SRR: variants seen among roughly 807,000 people sequenced by gnomAD.
SRR encodes the protein D-serine ammonia-lyase.
A neutral mutation model predicts 32.7 loss-of-function variants in SRR; 19 were observed. The observed-to-expected ratio is 0.58, with a 90% CI of 0.40 to 0.85. The LOEUF is 0.85. SRR is among the 40% of genes least tolerant of loss of function. The pLI, the probability that SRR is intolerant of heterozygous loss-of-function variation, is 0.00. For synonymous variants in SRR, 142 were observed against 140.9 expected, an observed-to-expected ratio of 1.01 and a Z score of -0.06; for missense variants, 373 against 404.7, an observed-to-expected ratio of 0.92 and a Z score of 0.67.
chr17:2,319,835 T>C (rs890621564), intron 4 of SRR, among the ~76,000 whole-genome samples: 2 of 151,284 alleles, frequency 1.3e-5, no homozygotes, highest in Non-Finnish European at 3.0e-5. Flanking sequence ...TTTTTTTTTT[T>C]TGAGGCGGAG....
At chr17:2,306,225 A>G (rs2075389043) in intron 1 of SRR, among the ~76,000 whole-genome samples, 1 of 151,698 alleles carries the variant, frequency 6.6e-6, no homozygotes, top group South Asian at 2.1e-4. Flanking sequence ...CTCAGGCAGG[A>G]GAACTGCTTG....
intron 1 of SRR, among the ~76,000 whole-genome samples, chr17:2,306,456 C>A (rs1011773616): frequency 1.3e-5 from 2 of 152,100 alleles, no homozygotes; most frequent in African/African-American, 4.8e-5. Flanking sequence ...GTGGCTCATG[C>A]CTGTAATCCC....
chr17:2,303,846 C>A, upstream of SRR: 1 of 762,012 alleles, frequency 1.3e-6, no homozygotes, highest in Non-Finnish European at 2.0e-6. Flanking sequence ...GCCGCCCTCC[C>A]TTTCCGAACG....
chr17:2,323,855 T>C lies in SRR; in HGVS notation c.1005T>C (p.Tyr335=). 1 of 1,614,104 alleles carries C rather than the reference T, an allele frequency of 6.2e-7. No individual in the cohort carries two copies. ...AGCAGGCTGAAAGGCCAGCTTCTTA[T>C]CAGTCTGTTTCTGTTTAATTTACAG... ...WVKQAERPAS[Y]QSVSV is the part of the protein sequence containing the mutation. The change falls in exon 8 of 8, where the codon TAT becomes TAC. Residue 335 remains tyrosine, a synonymous_variant. Coordinates refer to ENST00000344595, the MANE Select transcript of SRR (RefSeq NM_021947.3).
intron 1 of SRR, chr17:2,307,444 G>A: frequency 7.2e-7 from 1 of 1,397,308 alleles, no homozygotes; most frequent in Non-Finnish European, 1.0e-6. Context: ...TGGTGGCTTT[G>A]GTGGCAGCTG....
intron 2 of SRR, among the ~76,000 whole-genome samples, chr17:2,317,486 C>T (rs113423156): frequency 0.28 from 40,887 of 148,496 alleles, 6,233 homozygotes; most frequent in Admixed American, 0.37. Context: ...CACTGCAGCC[C>T]GGGCTACAAC....
intron 4 of SRR, among the ~76,000 whole-genome samples, chr17:2,319,841 C>T (rs1341798382): frequency 3.3e-5 from 4 of 120,118 alleles, no homozygotes; most frequent in African/African-American, 6.2e-5. Context: ...TTTTTTGAGG[C>T]GGAGTCTTGC....
Position 2,324,944 on chromosome 17 carries a change from C to T in SRR, c.*1071C>T, listed in dbSNP as rs1268510602. The T allele has an allele frequency of 8.2e-7, 1 of 1,212,900 alleles. No individual in the cohort carries two copies. The highest frequency in any genetic ancestry group is 1.1e-6 in the Non-Finnish European group (1 of 891,580). 75.1% of individuals were successfully genotyped at this position (1,212,900 alleles called of 1,614,324 possible). On this transcript the variant is annotated 3_prime_UTR_variant, in exon 8 of 8. Coordinates refer to ENST00000344595, the MANE Select transcript of SRR (RefSeq NM_021947.3). ...CCTGGTTTGTCATCCCTGCCCTAGC[C>T]CAATCTGAGGCTAAGATTGGTAAAC...
At chr17:2,314,064 A>G (rs1279909226) in intron 1 of SRR, among the ~76,000 whole-genome samples, 1 of 152,262 alleles carries the variant, frequency 6.6e-6, no homozygotes, top group East Asian at 1.9e-4. Context: ...AGCTTAATGT[A>G]GTTATTGAAA....
chr17:2,319,080 G>C, intron 4 of SRR, 151 bp downstream of exon 4: 1 of 544,878 alleles, frequency 1.8e-6, no homozygotes, highest in Non-Finnish European at 3.3e-6. Flanking sequence ...ACACTCACAA[G>C]ATCTCATTAG....
intron 2 of SRR, among the ~76,000 whole-genome samples, chr17:2,316,478 A>G (rs1386456175): frequency 6.6e-6 from 1 of 152,242 alleles, no homozygotes; most frequent in African/African-American, 2.4e-5. Flanking sequence ...CACTCTGTAT[A>G]TGACCCAAGT....
intron 4 of SRR, among the ~76,000 whole-genome samples, chr17:2,320,249 ATC>A (rs2075514768): frequency 9.4e-6 from 1 of 106,240 alleles, no homozygotes. Flanking sequence ...CTCATCTCTC[ATC>A]TTTTTTTTTT....
Position 2,324,068 on chromosome 17 carries a change from A to G in SRR, c.*195A>G. 2 of 1,348,970 alleles carry G rather than the reference A, an allele frequency of 1.5e-6. No homozygotes were observed. Among genetic ancestry groups the G allele is most frequent in the South Asian group, 2.9e-5 (2 of 68,114 alleles). The allele number at this position is 1,348,970 out of a possible 1,614,324, so 83.6% of individuals were successfully genotyped here. A position where few individuals can be genotyped will look rare whatever the true frequency, so the allele number is the denominator to read the frequency against. On this transcript the variant is annotated 3_prime_UTR_variant, in exon 8 of 8. Coordinates refer to ENST00000344595, the MANE Select transcript of SRR (RefSeq NM_021947.3). ...GAGACATTTTGTCAAGGCTAAAAAA[A>G]AGTCTTGCAAAATGGGGCAGTGGAC...
At chr17:2,323,627 T>C in intron 7 of SRR, 28 bp from the exon 8 acceptor site, 1 of 1,609,712 alleles carries the variant, frequency 6.2e-7, no homozygotes, top group Non-Finnish European at 8.5e-7. Flanking sequence ...CCCCTTTCAC[T>C]AATTCCTACT....
At chr17:2,305,645 C>G (rs182388613) in intron 1 of SRR, among the ~76,000 whole-genome samples, 279 of 152,256 alleles carry the variant, frequency 1.8e-3, no homozygotes, top group African/African-American at 6.5e-3. Flanking sequence ...AAAGAAATGA[C>G]AAGAAAGACA....
chr17:2,323,272 T>C lies in SRR; in HGVS notation c.731T>C (p.Ile244Thr), dbSNP rs748949336. ...ATAGCAGATGGTGTCAAATCCAGCA[T>C]TGGCTTGAACACCTGGCCTATTATC... is the stretch of plus-strand genomic sequence containing the variant. ...ETIADGVKSS[I>T]GLNTWPIIRD... is the part of the protein sequence containing the mutation. Residue 244 changes from isoleucine (I) to threonine (T), a missense_variant, in exon 7 of 8, where the codon ATT (isoleucine) becomes ACT (threonine). Physicochemically the swap from Ile to Thr is moderately conservative, Grantham distance 89. Coordinates refer to ENST00000344595, the MANE Select transcript of SRR (RefSeq NM_021947.3). The C allele has an allele frequency of 1.2e-5, 20 of 1,614,054 alleles. No individual in the cohort carries two copies. The highest frequency in any genetic ancestry group is 1.2e-4 in the South Asian group (11 of 91,090).
In SRR at chr17:2,321,552, T is replaced by C. The variant is rs1347336933; in HGVS notation, c.530T>C (p.Val177Ala). Reference protein sequence around the residue: ...ALEVLNQVPLVDALVVPVGGG... With the variant: ...ALEVLNQVPLADALVVPVGGG... ...ATATTTTCACTAAAGGTTCCTTTGG[T>C]GGATGCACTGGTGGTACCTGTAGGT... Residue 177 changes from valine (V) to alanine (A), a missense_variant, in exon 6 of 8, where the codon GTG (valine) becomes GCG (alanine). Transcript: ENST00000344595. 5 of 1,614,158 alleles carry C rather than the reference T, an allele frequency of 3.1e-6. No individual in the cohort carries two copies. In the East Asian group the frequency reaches 6.7e-5, roughly 22 times the overall value.
rs751291906 is a variant in SRR, at chr17:2,321,319, T to C, written c.413T>C (p.Val138Ala). Residue 138 changes from valine to alanine, a missense_variant, in exon 5 of 8, where the codon GTT becomes GCT. Physicochemically the swap from Val to Ala is moderately conservative, Grantham distance 64 (BLOSUM62 0). Transcript: ENST00000344595. ...ATGTACTTTCAGTCCAGAGAAAATG[T>C]TGCAAAAAGAGTTACAGAAGAAACA... Reference protein sequence around the residue: ...CEPSDESRENVAKRVTEETEG... With the variant: ...CEPSDESRENAAKRVTEETEG... 6.2e-7 allele frequency: 1 copy of C among 1,613,702 alleles called. No homozygotes were observed. Among genetic ancestry groups the C allele is most frequent in the Non-Finnish European group, 8.5e-7 (1 of 1,179,924 alleles).
At chr17:2,310,160 A>G (rs1332729481) in intron 1 of SRR, among the ~76,000 whole-genome samples, 1 of 152,178 alleles carries the variant, frequency 6.6e-6, no homozygotes, top group East Asian at 1.9e-4. Flanking sequence ...TTGAGGTTCT[A>G]TCACTTGCAA....
Sources: gnomAD v4.1 joint callset for allele counts (sites outside exome capture counted in the v4.1 genomes callset) on GRCh38, gnomAD v4.1.1 for gene constraint, MANE v1.5 for transcripts, NCBI Gene and HGNC (gene_info 2026-07-23, HGNC 2026-07-21) for gene names.